Variants in ITGBL1 observed in about 807,000 individuals in gnomAD.
ITGBL1 encodes integrin beta-like protein 1.
Under a neutral mutation model 68.5 loss-of-function variants are expected in ITGBL1, and 51 were observed. The observed-to-expected ratio is 0.74, with a 90% CI of 0.59 to 0.94. ITGBL1 has a LOEUF of 0.94. ITGBL1 is among the 40% of genes least tolerant of loss of function. ITGBL1 has a pLI of 0.00. For missense variants in ITGBL1, 649 were observed against 647.4 expected (o/e 1.00, Z -0.03); for synonymous variants, 209 against 227.3 (o/e 0.92, Z 0.72).
chr13:101,556,450 A>T (rs1310119399), intron 2 of ITGBL1, among the ~76,000 whole-genome samples: 4 of 152,054 alleles, frequency 2.6e-5, no homozygotes, highest in African/African-American at 9.7e-5. Flanking sequence ...CAGCCTGACC[A>T]ACATGGAGAA....
At chr13:101,557,255 G>A (rs959355276) in intron 2 of ITGBL1, among the ~76,000 whole-genome samples, 1 of 152,198 alleles carries the variant, frequency 6.6e-6, no homozygotes, top group Non-Finnish European at 1.5e-5. Context: ...AACACTGGAA[G>A]GCATGTTAAA....
chr13:101,692,865 C>A lies in ITGBL1; in HGVS notation c.1132+164C>A, dbSNP rs919811692. 3 of 620,396 alleles carry A rather than the reference C, an allele frequency of 4.8e-6. No homozygotes were observed. The African/African-American group carries it at 5.5e-5, about 11-fold the overall frequency. The allele number at this position is 620,396 out of a possible 1,614,324, so 38.4% of individuals were successfully genotyped here. A position where few individuals can be genotyped will look rare whatever the true frequency, so the allele number is the denominator to read the frequency against. ...CAATATACAATTAGGTTTGTAATGA[C>A]TTTTATTTCCCTGAACTCTTTATTT... On this transcript the variant is annotated intron_variant, in intron 8 of 10. Transcript: ENST00000376180.
At chr13:101,575,673 G>A in intron 4 of ITGBL1, 127 bp downstream of exon 4, 2 of 921,860 alleles carry the variant, frequency 2.2e-6, no homozygotes, top group Non-Finnish European at 3.3e-6. Flanking sequence ...ATGTTTATCT[G>A]GAAAACATTT....
intron 7 of ITGBL1, among the ~76,000 whole-genome samples, chr13:101,665,978 C>A (rs559765756): frequency 6.6e-6 from 1 of 152,256 alleles, no homozygotes; most frequent in South Asian, 2.1e-4. Context: ...GGATAATTAT[C>A]TCAAAATAAC....
chr13:101,675,029 G>A (rs988240367), intron 7 of ITGBL1, among the ~76,000 whole-genome samples: 2 of 152,012 alleles, frequency 1.3e-5, no homozygotes, highest in African/African-American at 4.8e-5. Context: ...GAAAAGTTCT[G>A]ATTTTTGCCT....
At position 101,552,330 on chromosome 13, in the gene ITGBL1, GT is replaced by G. The variant is rs945077123; in HGVS notation, c.317-15360del. Among the ~76,000 whole-genome samples the G allele has an allele frequency of 1.0e-3, 154 of 151,258 alleles. 2 individuals are homozygous for G. The highest frequency in any genetic ancestry group is 3.4e-3 in the African/African-American group (139 of 41,264). On this transcript the variant is annotated intron_variant, in intron 2 of 10. Transcript: ENST00000376180. Reference sequence around the variant, plus strand: ...AATTTTTCTGTCTACTGATCTAGGTGTTTTTTTTTAAATAGAATCAAAAGTG... The same window carrying G: ...AATTTTTCTGTCTACTGATCTAGGTGTTTTTTTTAAATAGAATCAAAAGTG...
At chr13:101,665,370 T>A (rs186737508) in intron 7 of ITGBL1, among the ~76,000 whole-genome samples, 12 of 152,138 alleles carry the variant, frequency 7.9e-5, no homozygotes, top group African/African-American at 2.6e-4. Context: ...CTATTTTCTG[T>A]TTTTTATATG....
At chr13:101,567,562 C>T in intron 2 of ITGBL1, 137 bp from the exon 3 acceptor site, 1 of 650,166 alleles carries the variant, frequency 1.5e-6, no homozygotes, top group Non-Finnish European at 2.5e-6. Context: ...CATTACCCCT[C>T]AGCCACTGCG....
chr13:101,501,734 A>G (rs1013328470), intron 2 of ITGBL1, among the ~76,000 whole-genome samples: 3 of 152,090 alleles, frequency 2.0e-5, no homozygotes, highest in South Asian at 2.1e-4. Flanking sequence ...GTTTTGTTCT[A>G]TGGAATATAC....
At chr13:101,682,424 G>A (rs1046131578) in intron 7 of ITGBL1, among the ~76,000 whole-genome samples, 6 of 151,904 alleles carry the variant, frequency 3.9e-5, no homozygotes, top group African/African-American at 7.2e-5. Flanking sequence ...CAAAAAAACT[G>A]TGAATGAGAG....
At chr13:101,585,827 T>C (rs796843406) in intron 6 of ITGBL1, among the ~76,000 whole-genome samples, 8 of 152,310 alleles carry the variant, frequency 5.3e-5, no homozygotes, top group African/African-American at 1.7e-4. Flanking sequence ...ATTTTAAAAT[T>C]GTAAGTGTGT....
chr13:101,481,075 T>A (rs1461456081), intron 2 of ITGBL1, among the ~76,000 whole-genome samples: 1 of 33,928 alleles, frequency 2.9e-5, no homozygotes, highest in Non-Finnish European at 5.2e-5. Flanking sequence ...CACATACATA[T>A]ATATACACAC....
At chr13:101,464,628 G>T (rs2048359266) in intron 2 of ITGBL1, among the ~76,000 whole-genome samples, 1 of 150,302 alleles carries the variant, frequency 6.7e-6, no homozygotes, top group Admixed American at 6.6e-5. Flanking sequence ...ATTTATATTT[G>T]GTATATGTAT....
intron 7 of ITGBL1, among the ~76,000 whole-genome samples, chr13:101,649,045 A>G (rs1214426345): frequency 6.6e-6 from 1 of 152,126 alleles, no homozygotes; most frequent in African/African-American, 2.4e-5. Flanking sequence ...CCATAATTAA[A>G]ATTATGATTA....
intron 2 of ITGBL1, among the ~76,000 whole-genome samples, chr13:101,500,758 T>C (rs1014009975): frequency 3.9e-5 from 6 of 152,210 alleles, no homozygotes; most frequent in Non-Finnish European, 8.8e-5. Flanking sequence ...AGACTGTTTT[T>C]CTAAATATAA....
rs770258000 is a variant in ITGBL1, at chr13:101,524,838, TATTTA to T, written c.317-42857_317-42853del. ...GTAATTTTGCATTTGTTTGTGTAAT[TATTTA>T]ATTAACATCTGTTTCTCCTACTGTA... On this transcript the variant is annotated intron_variant, in intron 2 of 10. Coordinates refer to ENST00000376180, the MANE Select transcript of ITGBL1 (RefSeq NM_004791.3). 3.6e-4 allele frequency among the ~76,000 whole-genome samples: 55 copies of T among 152,278 alleles called. No homozygotes were observed. The Middle Eastern group carries it at 0.02, about 57-fold the overall frequency.
At chr13:101,476,393 A>G (rs2048537264) in intron 2 of ITGBL1, among the ~76,000 whole-genome samples, 1 of 152,112 alleles carries the variant, frequency 6.6e-6, no homozygotes, top group Non-Finnish European at 1.5e-5. Context: ...TAATCTTCAC[A>G]AAAAGGAAGA....
At chr13:101,649,736 A>G (rs970411355) in intron 7 of ITGBL1, among the ~76,000 whole-genome samples, 4 of 152,172 alleles carry the variant, frequency 2.6e-5, no homozygotes, top group Non-Finnish European at 5.9e-5. Flanking sequence ...TGATTTATGT[A>G]TTCACCACAC....
chr13:101,715,159 C>T (rs1325804630), intron 10 of ITGBL1: 1 of 170,216 alleles, frequency 5.9e-6, no homozygotes, highest in African/African-American at 2.4e-5. Flanking sequence ...TAGACCTTTG[C>T]TTTCTGCCCA....
Sources: allele counts gnomAD v4.1 joint callset (sites outside exome capture counted in the v4.1 genomes callset), GRCh38; gene constraint gnomAD v4.1.1; transcripts MANE v1.5; gene names NCBI Gene and HGNC (gene_info 2026-07-23, HGNC 2026-07-21).